Variants in PLAA observed in about 807,000 individuals in gnomAD.
PLAA encodes the protein phospholipase A-2-activating protein.
Under a neutral mutation model 84.1 loss-of-function variants are expected in PLAA, and 48 were observed. That is an observed-to-expected ratio of 0.57 (90% CI 0.45 to 0.73). The LOEUF (loss-of-function observed/expected upper bound fraction) is 0.73. PLAA is among the 30% of genes least tolerant of loss of function. The pLI, the probability that PLAA is intolerant of heterozygous loss-of-function variation, is 0.00. For missense variants in PLAA, 903 were observed against 954.7 expected (o/e 0.95, Z 0.71); for synonymous variants, 392 against 336.6 (o/e 1.16, Z -1.80).
rs1008976191 is a variant in PLAA at position 26,940,194 on chromosome 9, A to G, written c.150-4988T>C. ...GAAATGAAAGCAGGATCTTAAAGAG[A>G]TATGTGTATAACCATATTCATAGTA... On this transcript the variant is annotated intron_variant, in intron 1 of 13. Transcript: ENST00000397292. Among the ~76,000 whole-genome samples the G allele has an allele frequency of 2.0e-5, 3 of 152,360 alleles. No individual in the cohort carries two copies. The South Asian group carries it at 6.2e-4, about 32-fold the overall frequency.
intron 4 of PLAA, 144 bp downstream of exon 4, chr9:26,927,953 CTCA>C (rs1446768085): frequency 1.2e-6 from 1 of 854,212 alleles, no homozygotes; most frequent in African/African-American, 1.7e-5. Context: ...TAGATATTAA[CTCA>C]TCAGAAAAAT....
Position 26,923,076 on chromosome 9 carries a change from T to C in PLAA, c.1039+102A>G, listed in dbSNP as rs189903539. 3.1e-3 allele frequency: 2,535 copies of C among 808,562 alleles called. 12 individuals carry two copies. Among genetic ancestry groups the C allele is most frequent in the Middle Eastern group, 8.3e-3 (34 of 4,102 alleles). 50.1% of individuals were successfully genotyped at this position (808,562 alleles called of 1,614,324 possible). A position where few individuals can be genotyped will look rare whatever the true frequency, so the allele number is the denominator to read the frequency against. On this transcript the variant is annotated intron_variant, in intron 7 of 13. Transcript: ENST00000397292. ...GTAAAAATCCTCAAAAATCAGCATC[T>C]AGCAATGAAAAACACAAGCAAAACA...
At chr9:26,910,525 T>G in intron 11 of PLAA, 86 bp from the exon 12 acceptor site, 1 of 959,828 alleles carries the variant, frequency 1.0e-6, no homozygotes, top group Non-Finnish European at 1.6e-6. Flanking sequence ...TTTTCACAAT[T>G]ATTGAGATAT....
At chr9:26,932,615 C>T (rs1816963020) in intron 2 of PLAA, among the ~76,000 whole-genome samples, 1 of 152,006 alleles carries the variant, frequency 6.6e-6, no homozygotes, top group Non-Finnish European at 1.5e-5. Context: ...TTGCCAACCC[C>T]TGTTTTAGAG....
intron 1 of PLAA, among the ~76,000 whole-genome samples, chr9:26,943,663 T>C (rs1171420292): frequency 6.6e-6 from 1 of 152,218 alleles, no homozygotes; most frequent in African/African-American, 2.4e-5. Context: ...TATGCTGTTA[T>C]GAGCTGGGAG....
In PLAA at chr9:26,935,218, A is replaced by G; in HGVS notation, c.150-12T>C. 6.6e-7 allele frequency: 1 copy of G among 1,521,760 alleles called. No individual in the cohort carries two copies. The highest frequency in any genetic ancestry group is 1.4e-5 in the African/African-American group (1 of 70,710). 94.3% of individuals were successfully genotyped at this position (1,521,760 alleles called of 1,614,324 possible). ...AGCTCCTGTTTGGACTGGAAAGACA[A>G]GATAATTAATAGATACATATTCGTA... is the stretch of plus-strand genomic sequence containing the variant. On this transcript the variant is annotated splice_polypyrimidine_tract_variant and intron_variant, in intron 1 of 13. Coordinates refer to ENST00000397292, the MANE Select transcript of PLAA (RefSeq NM_001031689.3).
At chr9:26,946,809 C>T (rs1337914437) in intron 1 of PLAA, 88 bp downstream of exon 1, 5 of 1,406,180 alleles carry the variant, frequency 3.6e-6, no homozygotes, top group South Asian at 1.4e-5. Flanking sequence ...GAGAGAGAGA[C>T]GGCAGGACTG....
At chr9:26,943,872 G>C (rs775834878) in intron 1 of PLAA, among the ~76,000 whole-genome samples, 1 of 152,130 alleles carries the variant, frequency 6.6e-6, no homozygotes, top group African/African-American at 2.4e-5. Flanking sequence ...AGGATTGTTT[G>C]AGCCCAGAAG....
At chr9:26,943,483 C>G (rs1419146285) in intron 1 of PLAA, among the ~76,000 whole-genome samples, 1 of 152,142 alleles carries the variant, frequency 6.6e-6, no homozygotes, top group Non-Finnish European at 1.5e-5. Flanking sequence ...CAGACCAGGT[C>G]AGATTCAGTA....
chr9:26,909,133 T>G (rs1215068880), intron 12 of PLAA, among the ~76,000 whole-genome samples: 1 of 152,186 alleles, frequency 6.6e-6, no homozygotes, highest in Non-Finnish European at 1.5e-5. Flanking sequence ...TTTAAAAATC[T>G]TTATCTCAAG....
intron 10 of PLAA, chr9:26,916,187 CTA>C: frequency 3.0e-6 from 3 of 985,376 alleles, no homozygotes; most frequent in Non-Finnish European, 3.6e-6. Flanking sequence ...TGTCCAATCT[CTA>C]TGACTTAGAG....
intron 9 of PLAA, among the ~76,000 whole-genome samples, chr9:26,917,391 A>C (rs1311857594): frequency 6.6e-6 from 1 of 152,240 alleles, no homozygotes; most frequent in Non-Finnish European, 1.5e-5. Flanking sequence ...GCTTTATTAT[A>C]CCTTAGCCCC....
chr9:26,921,979 A>G (rs556137095), intron 7 of PLAA, among the ~76,000 whole-genome samples: 3 of 152,216 alleles, frequency 2.0e-5, no homozygotes, highest in Non-Finnish European at 4.4e-5. Flanking sequence ...TTGACGGAAC[A>G]TGCTCAATTT....
In PLAA at chr9:26,915,213, GA is replaced by G. The variant is rs980332744; in HGVS notation, c.1487-1267del. ...GGCAAGAAGAACAAAACTCTGACTC[GA>G]AAAAAAAAAAAATCTAAGATCAAAC... is the stretch of plus-strand genomic sequence containing the variant. On this transcript the variant is annotated intron_variant, in intron 10 of 13. Transcript: ENST00000397292. 1.5e-3 allele frequency among the ~76,000 whole-genome samples: 211 copies of G among 143,026 alleles called. 1 individual carries two copies. Among genetic ancestry groups the G allele is most frequent in the Non-Finnish European group, 6.4e-4 (41 of 64,418 alleles). 93.8% of individuals were successfully genotyped at this position (143,026 alleles called of 152,430 possible). A position where few individuals can be genotyped will look rare whatever the true frequency, so the allele number is the denominator to read the frequency against.
intron 13 of PLAA, among the ~76,000 whole-genome samples, chr9:26,906,728 G>A (rs909887891): frequency 6.6e-5 from 10 of 151,866 alleles, no homozygotes; most frequent in Non-Finnish European, 1.0e-4. Flanking sequence ...GTGCCCAGCC[G>A]GAAAGTTCTT....
intron 1 of PLAA, among the ~76,000 whole-genome samples, chr9:26,946,277 T>G (rs1294308868): frequency 6.6e-6 from 1 of 152,124 alleles, no homozygotes; most frequent in Non-Finnish European, 1.5e-5. Flanking sequence ...CTTCTTTTTT[T>G]TTTTGGTTCG....
At chr9:26,946,343 C>A in intron 1 of PLAA, among the ~76,000 whole-genome samples, 1 of 151,288 alleles carries the variant, frequency 6.6e-6, no homozygotes, top group Non-Finnish European at 1.5e-5. Context: ...CCTCAAGAAA[C>A]AGCACATGCA....
chr9:26,913,808 T>C lies in PLAA; in HGVS notation c.1555+71A>G, dbSNP rs1824465803. On this transcript the variant is annotated intron_variant, in intron 11 of 13. Coordinates refer to ENST00000397292, the MANE Select transcript of PLAA (RefSeq NM_001031689.3). The stretch of plus-strand genomic sequence containing the variant: ...AGCAAGAAAATGACACAAATTTTCT[T>C]ACTCTTTTTATTAAAGTTCCAACGA... 8.2e-6 allele frequency: 9 copies of C among 1,093,154 alleles called. No individual in the cohort carries two copies. In the African/African-American group the frequency reaches 9.6e-5, roughly 12 times the overall value. 67.7% of individuals were successfully genotyped at this position (1,093,154 alleles called of 1,614,324 possible).
chr9:26,931,990 G>T (rs1219453091), intron 2 of PLAA, among the ~76,000 whole-genome samples: 4 of 152,226 alleles, frequency 2.6e-5, no homozygotes, highest in African/African-American at 9.6e-5. Flanking sequence ...GGGAGGCAGA[G>T]GCAGGAGAAT....
Sources: allele counts gnomAD v4.1 joint callset (sites outside exome capture counted in the v4.1 genomes callset), GRCh38; gene constraint gnomAD v4.1.1; transcripts MANE v1.5; gene names NCBI Gene and HGNC (gene_info 2026-07-23, HGNC 2026-07-21).